MDN1: variants seen among roughly 807,000 people sequenced by gnomAD.
MDN1 encodes midasin AAA ATPase 1.
A neutral mutation model predicts 669.2 loss-of-function variants in MDN1; 266 were observed. That is an observed-to-expected ratio of 0.40 (90% CI 0.36 to 0.44). The LOEUF is 0.44. MDN1 is among the 20% of genes least tolerant of loss of function. The pLI, the probability that MDN1 is intolerant of heterozygous loss-of-function variation, is 1.00. For missense variants in MDN1, 5,940 were observed against 6,754.0 expected (o/e 0.88, Z 4.22); for synonymous variants, 2,385 against 2,457.1 (o/e 0.97, Z 0.87).
At chr6:89,787,815 T>C (rs764794531) in intron 8 of MDN1, 39 bp downstream of exon 8, 2 of 1,490,376 alleles carry the variant, frequency 1.3e-6, no homozygotes, top group East Asian at 2.3e-5. Context: ...TACGAGTAAG[T>C]GGCTCCAGAG....
rs1809514926 is a variant in MDN1 at position 89,658,799 on chromosome 6, G to A, written c.14832C>T (p.Gly4944=). Residue 4944 remains glycine (G), a synonymous_variant, in exon 89 of 102, where the codon GGC becomes GGT. Coordinates refer to ENST00000369393, the MANE Select transcript of MDN1 (RefSeq NM_014611.3). ...ESQSPQEPEE[G]PSEDDKAEGE... Reference sequence around the variant, plus strand: ...CTTCTGCCTTGTCATCTTCACTGGGGCCTTCCTCAGGCTCCTGTGGACTCT... The same window carrying A: ...CTTCTGCCTTGTCATCTTCACTGGGACCTTCCTCAGGCTCCTGTGGACTCT... 1.9e-6 allele frequency: 3 copies of A among 1,613,912 alleles called. No homozygotes were observed. Among genetic ancestry groups the A allele is most frequent in the Admixed American group, 3.3e-5 (2 of 60,002 alleles).
At chr6:89,787,376 C>A (rs1819018309) in intron 8 of MDN1, among the ~76,000 whole-genome samples, 1 of 152,148 alleles carries the variant, frequency 6.6e-6, no homozygotes, top group Admixed American at 6.6e-5. Context: ...ATTAATTTTT[C>A]AATTGCCTGA....
chr6:89,733,358 CTAAA>C (rs1217177478), intron 33 of MDN1, among the ~76,000 whole-genome samples: 3 of 151,526 alleles, frequency 2.0e-5, no homozygotes, highest in Non-Finnish European at 2.9e-5. Context: ...ATATTTGTCT[CTAAA>C]TAAAGAAAAT....
intron 11 of MDN1, among the ~76,000 whole-genome samples, 190 bp from the exon 12 acceptor site, chr6:89,776,885 C>G (rs1009632896): frequency 2.0e-5 from 3 of 151,972 alleles, no homozygotes; most frequent in Non-Finnish European, 2.9e-5. Flanking sequence ...GACAGGACAC[C>G]AATAAATATA....
intron 82 of MDN1, among the ~76,000 whole-genome samples, chr6:89,671,643 C>G (rs541024040): frequency 6.6e-6 from 1 of 152,286 alleles, no homozygotes; most frequent in Admixed American, 6.5e-5. Context: ...ATGGTCATGC[C>G]ACCACACTCT....
chr6:89,742,367 C>A (rs1351338299), intron 31 of MDN1, among the ~76,000 whole-genome samples: 1 of 152,152 alleles, frequency 6.6e-6, no homozygotes, highest in Non-Finnish European at 1.5e-5. Flanking sequence ...AAAATCACAC[C>A]ACTGCACTCC....
chr6:89,722,811 A>C (rs1584267042), intron 40 of MDN1, 144 bp downstream of exon 40: 2 of 704,642 alleles, frequency 2.8e-6, no homozygotes, highest in South Asian at 2.3e-5. Context: ...ATGCCATTGC[A>C]CTCCAGCCTG....
intron 74 of MDN1, 68 bp from the exon 75 acceptor site, chr6:89,678,813 T>G (rs1811413730): frequency 4.6e-6 from 7 of 1,515,824 alleles, no homozygotes; most frequent in South Asian, 1.3e-5. Context: ...AATGTGTTTG[T>G]TACCCAACAC....
rs756052559 is a variant in MDN1, at chr6:89,758,938, T to C, written c.2483A>G (p.Lys828Arg). ...ATCCAACAAGATCCACTCTCCTTTCTTTACAGCCTGAGCTAATGTACCCTA... is the reference window on the plus strand; with the variant it reads ...ATCCAACAAGATCCACTCTCCTTTCCTTACAGCCTGAGCTAATGTACCCTA... ...FVEGTLAQAVKKGEWILLDEI... is the reference protein window; with the variant it reads ...FVEGTLAQAVRKGEWILLDEI... Residue 828 changes from lysine (K) to arginine (R), a missense_variant, in exon 18 of 102, where the codon AAG (lysine) becomes AGG (arginine). This residue lies in a region of MDN1 where 1,203 missense variants were observed against 1,268.9 expected (regional missense o/e 0.95). Coordinates refer to ENST00000369393, the MANE Select transcript of MDN1 (RefSeq NM_014611.3). The C allele has an allele frequency of 3.3e-5, 53 of 1,613,768 alleles. No individual in the cohort carries two copies. The highest frequency in any genetic ancestry group is 2.0e-4 in the Admixed American group (12 of 59,994).
chr6:89,803,333 G>A lies in MDN1; in HGVS notation c.324C>T (p.Val108=). ...ATAATAAAATTGCTACTCACGGGAG[G>A]ACATCAGGATGGTTACCAATGAGTT... ...MSKLIGNHPD[V]LPFALRYFKD... is the part of the protein sequence containing the mutation. The change falls in exon 2 of 102, where the codon GTC becomes GTT. Residue 108 remains valine (V), a synonymous_variant. Coordinates refer to ENST00000369393, the MANE Select transcript of MDN1 (RefSeq NM_014611.3). 6.2e-7 allele frequency: 1 copy of A among 1,613,280 alleles called. No individual in the cohort carries two copies. Among genetic ancestry groups the A allele is most frequent in the South Asian group, 1.1e-5 (1 of 91,068 alleles).
chr6:89,667,069 A>G lies in MDN1; in HGVS notation c.14094+945T>C, dbSNP rs146930195. Among the ~76,000 whole-genome samples the G allele has an allele frequency of 4.6e-3, 698 of 152,374 alleles. 4 individuals are homozygous for G. Among genetic ancestry groups the G allele is most frequent in the Admixed American group, 0.011 (167 of 15,308 alleles). ...AAGAAAACATGGAATTTGGGGGTCA[A>G]TGAATACACATAATTTAAAATTCAG... On this transcript the variant is annotated intron_variant, in intron 84 of 101. Transcript: ENST00000369393.
chr6:89,713,325 CA>C (rs754830688), intron 46 of MDN1, 29 bp from the exon 47 acceptor site: 1 of 1,561,796 alleles, frequency 6.4e-7, no homozygotes, highest in Non-Finnish European at 8.7e-7. Context: ...CATCTATAAA[CA>C]ATAGAGTCTT....
chr6:89,775,371 T>C (rs572692023), intron 12 of MDN1, among the ~76,000 whole-genome samples: 45 of 152,328 alleles, frequency 3.0e-4, no homozygotes, highest in African/African-American at 1.1e-3. Flanking sequence ...TCCCTTTCAG[T>C]AGGACGTTCT....
chr6:89,682,161 T>C (rs1157850546), intron 73 of MDN1, among the ~76,000 whole-genome samples: 1 of 152,244 alleles, frequency 6.6e-6, no homozygotes, highest in Non-Finnish European at 1.5e-5. Flanking sequence ...GCATCTGCTA[T>C]AAACCAGCAC....
At chr6:89,747,169 A>G (rs541571921) in intron 27 of MDN1, among the ~76,000 whole-genome samples, 160 bp downstream of exon 27, 1 of 152,370 alleles carries the variant, frequency 6.6e-6, no homozygotes, top group South Asian at 2.1e-4. Context: ...CTGCAGGAAT[A>G]AGATCACTTA....
At chr6:89,728,312 G>T (rs1815363500) in intron 36 of MDN1, among the ~76,000 whole-genome samples, 1 of 151,846 alleles carries the variant, frequency 6.6e-6, no homozygotes, top group Admixed American at 6.6e-5. Context: ...TCCTTAGATT[G>T]TTAAAAGTCA....
chr6:89,682,274 A>G (rs181674260), intron 73 of MDN1, among the ~76,000 whole-genome samples: 1 of 152,338 alleles, frequency 6.6e-6, no homozygotes, highest in Non-Finnish European at 1.5e-5. Context: ...ATCTTTGCTC[A>G]TAGCAGATGA....
intron 33 of MDN1, among the ~76,000 whole-genome samples, chr6:89,735,282 T>G (rs1815887573): frequency 6.6e-6 from 1 of 151,940 alleles, no homozygotes; most frequent in Non-Finnish European, 1.5e-5. Flanking sequence ...GAAGTATTGT[T>G]TACAAAAGTT....
At chr6:89,656,836 A>G in intron 90 of MDN1, 35 bp from the exon 91 acceptor site, 1 of 1,565,010 alleles carries the variant, frequency 6.4e-7, no homozygotes, top group Admixed American at 1.7e-5. Context: ...ATGAGGTGAA[A>G]GAAGCTATTA....
Sources: gnomAD v4.1 joint callset for allele counts (sites outside exome capture counted in the v4.1 genomes callset) on GRCh38, gnomAD v4.1.1 for gene constraint, gnomAD v4.1.1 regional missense constraint, MANE v1.5 for transcripts, NCBI Gene and HGNC (gene_info 2026-07-23, HGNC 2026-07-21) for gene names.